Variants in KCNIP3 observed in about 807,000 individuals in gnomAD.
KCNIP3 encodes the protein calsenilin.
In KCNIP3, 28 loss-of-function variants were observed where a neutral mutation model predicts 35.0. That is an observed-to-expected ratio of 0.80 (90% CI 0.59 to 1.10). The LOEUF (loss-of-function observed/expected upper bound fraction) is 1.10. Ranked by LOEUF, KCNIP3 falls within the 50% of genes least tolerant of loss-of-function variation. The pLI, the probability that KCNIP3 is intolerant of heterozygous loss-of-function variation, is 0.00. For missense variants in KCNIP3, 295 were observed against 338.4 expected, an observed-to-expected ratio of 0.87 and a Z score of 1.01; for synonymous variants, 134 against 133.8, an observed-to-expected ratio of 1.00 and a Z score of -0.01.
intron 2 of KCNIP3, chr2:95,368,588 T>C: frequency 5.2e-6 from 2 of 381,618 alleles, no homozygotes; most frequent in Admixed American, 3.1e-5. Context: ...TCTTACAAAA[T>C]TTGTGTCTTT....
At chr2:95,301,909 C>T (rs1558756299) in intron 1 of KCNIP3, among the ~76,000 whole-genome samples, 1 of 151,880 alleles carries the variant, frequency 6.6e-6, no homozygotes, top group African/African-American at 2.4e-5. Context: ...GGCATGTGTA[C>T]GTGTGTGTGT....
chr2:95,351,042 AG>A (rs1679506667), intron 2 of KCNIP3, among the ~76,000 whole-genome samples: 1 of 152,250 alleles, frequency 6.6e-6, no homozygotes, highest in South Asian at 2.1e-4. Context: ...CAGCAGCAGC[AG>A]CCCAGGAGCT....
intron 7 of KCNIP3, among the ~76,000 whole-genome samples, 171 bp from the exon 8 acceptor site, chr2:95,383,059 TTA>T (rs1425653955): frequency 2.0e-5 from 3 of 151,848 alleles, no homozygotes; most frequent in African/African-American, 7.3e-5. Flanking sequence ...GAAGGGTGGA[TTA>T]TGTGGCCTGG....
chr2:95,373,463 C>T (rs1347415641), intron 2 of KCNIP3, among the ~76,000 whole-genome samples: 1 of 145,600 alleles, frequency 6.9e-6, no homozygotes, highest in Non-Finnish European at 1.5e-5. Flanking sequence ...TGCTCTGTCA[C>T]CCAGGCTGGA....
intron 2 of KCNIP3, among the ~76,000 whole-genome samples, chr2:95,350,516 C>T (rs1324273518): frequency 6.6e-6 from 1 of 152,216 alleles, no homozygotes; most frequent in Non-Finnish European, 1.5e-5. Context: ...CCTGTCCCCT[C>T]TGCTCCACCT....
chr2:95,383,421 T>G, intron 8 of KCNIP3, 127 bp downstream of exon 8: 4 of 952,122 alleles, frequency 4.2e-6, no homozygotes, highest in African/African-American at 1.6e-5. Context: ...GCAGCTGTCC[T>G]TGGCCCCTTG....
chr2:95,340,805 G>A (rs2104257099), intron 2 of KCNIP3, among the ~76,000 whole-genome samples: 1 of 152,338 alleles, frequency 6.6e-6, no homozygotes, highest in South Asian at 2.1e-4. Flanking sequence ...TGGTAGTGTA[G>A]TTAGATGCAA....
intron 1 of KCNIP3, among the ~76,000 whole-genome samples, chr2:95,300,819 GC>G (rs1202381423): frequency 6.6e-6 from 1 of 152,196 alleles, no homozygotes; most frequent in African/African-American, 2.4e-5. Context: ...ACTAGAGTCG[GC>G]CCAGCCTCCC....
At chr2:95,362,515 A>C (rs1422356909) in intron 2 of KCNIP3, among the ~76,000 whole-genome samples, 1 of 152,198 alleles carries the variant, frequency 6.6e-6, no homozygotes, top group African/African-American at 2.4e-5. Flanking sequence ...ATACAGTCAC[A>C]CTGGGGGTTA....
intron 5 of KCNIP3, among the ~76,000 whole-genome samples, chr2:95,380,803 C>T (rs1452413014): frequency 1.3e-5 from 2 of 152,226 alleles, no homozygotes; most frequent in East Asian, 3.9e-4. Flanking sequence ...TTACTTGGGG[C>T]CAGGAGTTGG....
chr2:95,378,731 A>C lies in KCNIP3; in HGVS notation c.448-2865A>C, dbSNP rs1042130303. On this transcript the variant is annotated intron_variant, in intron 5 of 8. Coordinates refer to ENST00000295225, the MANE Select transcript of KCNIP3 (RefSeq NM_013434.5). This position sits in a 1 kb window ranked among gnomAD's most constrained non-coding sequence, Gnocchi z 4.0. The stretch of plus-strand genomic sequence containing the variant: ...CACTGTACTCCATCCAGCCTGGGTG[A>C]CAGAGTGAGACTCAATCTCAAAAAC... 6.6e-6 allele frequency among the ~76,000 whole-genome samples: 1 copy of C among 151,472 alleles called. No homozygotes were observed. Among genetic ancestry groups the C allele is most frequent in the African/African-American group, 2.4e-5 (1 of 41,168 alleles).
intron 2 of KCNIP3, among the ~76,000 whole-genome samples, chr2:95,331,558 G>A (rs1045814573): frequency 7.9e-5 from 12 of 152,156 alleles, no homozygotes; most frequent in South Asian, 2.1e-4. Context: ...TGAGCCAGTC[G>A]TGCACGCTGA....
chr2:95,363,996 C>T (rs190490874), intron 2 of KCNIP3, among the ~76,000 whole-genome samples: 26 of 152,240 alleles, frequency 1.7e-4, no homozygotes, highest in Admixed American at 6.5e-4. Context: ...CTTCTCAATT[C>T]GTACACTATT....
intron 1 of KCNIP3, among the ~76,000 whole-genome samples, chr2:95,306,786 C>T (rs1016227044): frequency 2.0e-5 from 3 of 152,184 alleles, no homozygotes; most frequent in African/African-American, 7.2e-5. Context: ...CACCAAGGCA[C>T]TGTGGGGTGA....
Position 95,376,535 on chromosome 2 carries a change from C to T in KCNIP3, c.447+1327C>T, listed in dbSNP as rs370249480. Among the ~76,000 whole-genome samples the T allele has an allele frequency of 2.0e-5, 3 of 152,364 alleles. No homozygotes were observed. The highest frequency in any genetic ancestry group is 4.1e-4 in the South Asian group (2 of 4,834). On this transcript the variant is annotated intron_variant, in intron 5 of 8. Transcript: ENST00000295225. This position sits in a 1 kb window ranked among gnomAD's most constrained non-coding sequence, Gnocchi z 4.2. ...GTCTGTCAGTGGCTGTGCTGTGGCC[C>T]CTCTGCTGGGCACCTTCTCAGAAGA...
chr2:95,369,081 G>A (rs181061117), intron 2 of KCNIP3, among the ~76,000 whole-genome samples: 13 of 152,232 alleles, frequency 8.5e-5, no homozygotes, highest in Admixed American at 3.9e-4. Context: ...GTTTTTTACC[G>A]TTAAGAATGA....
At chr2:95,331,938 T>C (rs1043875508) in intron 2 of KCNIP3, among the ~76,000 whole-genome samples, 1 of 152,156 alleles carries the variant, frequency 6.6e-6, no homozygotes, top group Admixed American at 6.5e-5. Flanking sequence ...GCCACTTGAG[T>C]AGGGACGCTG....
At chr2:95,374,814 G>A in intron 3 of KCNIP3, 34 bp from the exon 4 acceptor site, 2 of 1,608,734 alleles carry the variant, frequency 1.2e-6, no homozygotes, top group Non-Finnish European at 1.7e-6. Flanking sequence ...AGCTGGGGGT[G>A]GCCGAGGGCT....
chr2:95,350,092 C>T (rs1255337986), intron 2 of KCNIP3, among the ~76,000 whole-genome samples: 2 of 152,284 alleles, frequency 1.3e-5, no homozygotes, highest in Non-Finnish European at 2.9e-5. Flanking sequence ...GATCTGCGTT[C>T]CCAAAGTGTT....
Sources: gnomAD v4.1 joint callset for allele counts (sites outside exome capture counted in the v4.1 genomes callset) on GRCh38, gnomAD v4.1.1 for gene constraint, Gnocchi (gnomAD v3.1) non-coding constraint, MANE v1.5 for transcripts, NCBI Gene and HGNC (gene_info 2026-07-23, HGNC 2026-07-21) for gene names.